Variants in GRK2 observed in about 807,000 individuals in gnomAD.
GRK2 encodes G protein-coupled receptor kinase 2, also known as adrenergic beta receptor kinase 1.
Under a neutral mutation model 97.8 loss-of-function variants are expected in GRK2, and 23 were observed. That is an observed-to-expected ratio of 0.24 (90% CI 0.17 to 0.33). GRK2 has a LOEUF of 0.33. Among genes scored for constraint, GRK2 ranks in the 10% least tolerant of loss-of-function variants. The probability of loss-of-function intolerance (pLI) is 1.00; values close to 1 mark genes in which losing one functional copy is unlikely to be tolerated. For synonymous variants in GRK2, 425 were observed against 381.7 expected (o/e 1.11, Z -1.32); for missense variants, 633 against 956.9 (o/e 0.66, Z 4.47).
Position 67,285,267 on chromosome 11 carries a change from C to A in GRK2, c.1906-19C>A, listed in dbSNP as rs766093313. On this transcript the variant is annotated intron_variant, in intron 20 of 20. Coordinates refer to ENST00000308595, the MANE Select transcript of GRK2 (RefSeq NM_001619.5). Reference sequence around the variant, plus strand: ...CTGGGGAGAGCCCCAGCTGACAGAGCTGGGCTTGGCATGTGCAGAGCGACC... The same window carrying A: ...CTGGGGAGAGCCCCAGCTGACAGAGATGGGCTTGGCATGTGCAGAGCGACC... The A allele has an allele frequency of 3.7e-6, 6 of 1,608,946 alleles. No homozygotes were observed. The East Asian group carries it at 1.3e-4, about 36-fold the overall frequency.
chr11:67,279,252 C>T lies in GRK2; in HGVS notation c.243C>T (p.Pro81=). 6.2e-7 allele frequency: 1 copy of T among 1,613,650 alleles called. No individual in the cohort carries two copies. Among genetic ancestry groups the T allele is most frequent in the Non-Finnish European group, 8.5e-7 (1 of 1,180,006 alleles). The change falls in exon 3 of 21, where the codon CCC becomes CCT. Residue 81 remains proline, a synonymous_variant. Coordinates refer to ENST00000308595, the MANE Select transcript of GRK2 (RefSeq NM_001619.5). ...FCLNHLEEAR[P]LVEFYEEIKK... ...TGAACCACCTGGAGGAGGCCAGGCC[C>T]TTGGTGGAATTCTATGAGGAGGTGA... is the stretch of plus-strand genomic sequence containing the variant.
rs1399412951 is a variant in GRK2, at chr11:67,281,681, C to T, written c.779C>T (p.Ala260Val). 9.3e-6 allele frequency: 15 copies of T among 1,612,630 alleles called. No homozygotes were observed. Among genetic ancestry groups the T allele is most frequent in the Non-Finnish European group, 1.3e-5 (15 of 1,179,660 alleles). Residue 260 changes from alanine (A) to valine (V), a missense_variant, in exon 10 of 21, where the codon GCG becomes GTG. Transcript: ENST00000308595. The surrounding 1 kb of genome is among the most constrained non-coding windows in gnomAD (Gnocchi z 5.7). Reference protein sequence around the residue: ...DCPFIVCMSYAFHTPDKLSFI... With the variant: ...DCPFIVCMSYVFHTPDKLSFI... ...CCATTCATTGTCTGCATGTCATACGCGTTCCACACGCCAGACAAGCTCAGC... is the reference window on the plus strand; with the variant it reads ...CCATTCATTGTCTGCATGTCATACGTGTTCCACACGCCAGACAAGCTCAGC...
At chr11:67,283,795 T>G (rs376540802) in intron 16 of GRK2, 22 bp downstream of exon 16, 99 of 1,612,878 alleles carry the variant, frequency 6.1e-5, no homozygotes, top group Non-Finnish European at 6.1e-5. Flanking sequence ...CGGCAGGGAC[T>G]GGGGGTGCTC....
rs1272447095 is a variant in GRK2, at chr11:67,266,771, G to A, written c.72G>A (p.Pro24=). ...CCATGGAGAAGAGCAAGGCCACGCC[G>A]GCCGCGCGCGCCAGCAAGAAGATCC... ...LMAMEKSKAT[P]AARASKKILL... The change falls in exon 1 of 21, where the codon CCG becomes CCA. Residue 24 remains proline (P), a synonymous_variant. Transcript: ENST00000308595. 2 of 1,365,634 alleles carry A rather than the reference G, an allele frequency of 1.5e-6. No individual in the cohort carries two copies. Among genetic ancestry groups the A allele is most frequent in the South Asian group, 3.5e-5 (2 of 57,478 alleles). The allele number at this position is 1,365,634 out of a possible 1,614,324, so 84.6% of individuals were successfully genotyped here.
chr11:67,277,643 G>T (rs1423206117), intron 2 of GRK2, among the ~76,000 whole-genome samples: 2 of 152,232 alleles, frequency 1.3e-5, no homozygotes, highest in African/African-American at 4.8e-5. Flanking sequence ...TCCCCTTGGC[G>T]CGGCCGCAGC....
Position 67,281,016 on chromosome 11 carries a change from C to A in GRK2, c.556-77C>A. 2 of 1,334,726 alleles carry A rather than the reference C, an allele frequency of 1.5e-6. No individual in the cohort carries two copies. The highest frequency in any genetic ancestry group is 2.6e-5 in the South Asian group (2 of 77,584). The allele number at this position is 1,334,726 out of a possible 1,614,324, so 82.7% of individuals were successfully genotyped here. A position where few individuals can be genotyped will look rare whatever the true frequency, so the allele number is the denominator to read the frequency against. The stretch of plus-strand genomic sequence containing the variant: ...ATGGGGACCCTGGCATGGGGCCAGC[C>A]CCTGCTGCCCAGGTGCCTCTGCCCC... On this transcript the variant is annotated intron_variant, in intron 7 of 20. Coordinates refer to ENST00000308595, the MANE Select transcript of GRK2 (RefSeq NM_001619.5). The surrounding 1 kb of genome is among the most constrained non-coding windows in gnomAD (Gnocchi z 5.7).
intron 7 of GRK2, 144 bp from the exon 8 acceptor site, chr11:67,280,949 C>A: frequency 1.2e-5 from 13 of 1,104,038 alleles, no homozygotes; most frequent in Non-Finnish European, 1.7e-5. Context: ...ATGGGGAGGC[C>A]GGAGCAGGTA....
intron 17 of GRK2, 67 bp downstream of exon 17, chr11:67,284,016 C>A: frequency 6.8e-7 from 1 of 1,474,852 alleles, no homozygotes; most frequent in South Asian, 1.2e-5. Flanking sequence ...ATCCCTCTCC[C>A]TTCTTATCAC....
rs1860107714 is a variant in GRK2, at chr11:67,279,643, C to T, written c.384C>T (p.Ala128=). 6.2e-7 allele frequency: 1 copy of T among 1,613,492 alleles called. No homozygotes were observed. The highest frequency in any genetic ancestry group is 1.3e-5 in the African/African-American group (1 of 74,918). The part of the protein sequence containing the change: ...LACSHPFSKS[A]TEHVQGHLGK... ...TTCCCCAGCCCTTCTCGAAGAGTGC[C>T]ACTGAGCATGTCCAAGGCCACCTGG... The change falls in exon 5 of 21, where the codon GCC becomes GCT. Residue 128 remains alanine, a synonymous_variant. Coordinates refer to ENST00000308595, the MANE Select transcript of GRK2 (RefSeq NM_001619.5).
At chr11:67,273,304 C>T (rs71457768) in intron 1 of GRK2, among the ~76,000 whole-genome samples, 1,946 of 151,576 alleles carry the variant, frequency 0.013, 17 homozygotes, top group Non-Finnish European at 0.021. Flanking sequence ...CTGTTGAGGC[C>T]GCTTGGTTCT....
In GRK2 at chr11:67,279,622, C is replaced by T. The variant is rs750428992; in HGVS notation, c.367-4C>T. The T allele has an allele frequency of 7.4e-6, 12 of 1,613,346 alleles. No individual in the cohort carries two copies. In the Admixed American group the frequency reaches 1.3e-4, roughly 18 times the overall value. ...GAATTCATGGCCACCTCTGTCTTCC[C>T]CAGCCCTTCTCGAAGAGTGCCACTG... On this transcript the variant is annotated splice_region_variant and splice_polypyrimidine_tract_variant and intron_variant, in intron 4 of 20. Coordinates refer to ENST00000308595, the MANE Select transcript of GRK2 (RefSeq NM_001619.5).
At position 67,282,978 on chromosome 11, in the gene GRK2, C is replaced by A; in HGVS notation, c.1228-150C>A. ...TCCTGCCCCATAGGCTCTCGCCCTC[C>A]CCGTGCTGTTGGAGCATGACTGCTG... On this transcript the variant is annotated intron_variant, in intron 14 of 20. Coordinates refer to ENST00000308595, the MANE Select transcript of GRK2 (RefSeq NM_001619.5). The surrounding 1 kb of genome is among the most constrained non-coding windows in gnomAD (Gnocchi z 6.9). The A allele has an allele frequency of 8.8e-7, 1 of 1,139,394 alleles. No homozygotes were observed. The highest frequency in any genetic ancestry group is 1.3e-6 in the Non-Finnish European group (1 of 774,394). 70.6% of individuals were successfully genotyped at this position (1,139,394 alleles called of 1,614,324 possible). A position where few individuals can be genotyped will look rare whatever the true frequency, so the allele number is the denominator to read the frequency against.
At chr11:67,272,263 A>C (rs1590846536) in intron 1 of GRK2, among the ~76,000 whole-genome samples, 2 of 152,228 alleles carry the variant, frequency 1.3e-5, no homozygotes, top group South Asian at 4.1e-4. Context: ...TCTTCCACAG[A>C]GGTCAAGGGG....
chr11:67,278,248 G>C (rs1369023495), intron 2 of GRK2, among the ~76,000 whole-genome samples: 3 of 152,230 alleles, frequency 2.0e-5, no homozygotes, highest in African/African-American at 4.8e-5. Flanking sequence ...CTCTGACCCA[G>C]GTGCCCAGGC....
chr11:67,275,641 C>T (rs989871470), intron 1 of GRK2, among the ~76,000 whole-genome samples: 1 of 152,244 alleles, frequency 6.6e-6, no homozygotes, highest in Non-Finnish European at 1.5e-5. Flanking sequence ...GCCCTGCCCT[C>T]CGCCTCACCA....
intron 6 of GRK2, chr11:67,280,123 GGCAGTCTCCTA>G: frequency 1.7e-6 from 1 of 581,140 alleles, no homozygotes; most frequent in Non-Finnish European, 3.1e-6. Flanking sequence ...GCCCATCCCA[GGCAGTCTCCTA>G]GCTCCAGGGA....
Position 67,286,453 on chromosome 11 carries a change from C to T in GRK2, c.*1003C>T, listed in dbSNP as rs745851960. 10 of 700,446 alleles carry T rather than the reference C, an allele frequency of 1.4e-5. No homozygotes were observed. Among genetic ancestry groups the T allele is most frequent in the South Asian group, 1.3e-4 (9 of 67,480 alleles). 43.4% of individuals were successfully genotyped at this position (700,446 alleles called of 1,614,324 possible). The stretch of plus-strand genomic sequence containing the variant: ...CCGGGGCTGGGTTGGCGCACCCTCC[C>T]CTCCCGTCTACTCATTCCCCGGGGC... On this transcript the variant is annotated 3_prime_UTR_variant, in exon 21 of 21. Coordinates refer to ENST00000308595, the MANE Select transcript of GRK2 (RefSeq NM_001619.5).
chr11:67,283,877 A>C lies in GRK2; in HGVS notation c.1419A>C (p.Pro473=), dbSNP rs1286355364. ...AGTACCCTCCCCCGCTGATCCCCCC[A>C]CGAGGGGAGGTGAACGCGGCCGACG... The part of the protein sequence containing the change: ...LQKYPPPLIP[P]RGEVNAADAF... Residue 473 remains proline, a synonymous_variant, in exon 17 of 21, where the codon CCA becomes CCC. Coordinates refer to ENST00000308595, the MANE Select transcript of GRK2 (RefSeq NM_001619.5). 5 of 1,612,996 alleles carry C rather than the reference A, an allele frequency of 3.1e-6. No individual in the cohort carries two copies. The highest frequency in any genetic ancestry group is 1.7e-5 in the Admixed American group (1 of 59,998).
intron 18 of GRK2, 160 bp downstream of exon 18, chr11:67,284,533 C>T: frequency 1.1e-6 from 1 of 896,922 alleles, no homozygotes; most frequent in East Asian, 2.7e-5. Context: ...GCCTGTAATC[C>T]CAGCACTTTG....
Sources: allele counts gnomAD v4.1 joint callset (sites outside exome capture counted in the v4.1 genomes callset), GRCh38; gene constraint gnomAD v4.1.1; non-coding constraint Gnocchi (gnomAD v3.1); transcripts MANE v1.5; gene names NCBI Gene and HGNC (gene_info 2026-07-23, HGNC 2026-07-21).